The following PFKFB3 variants were observed in gnomAD, a reference collection of about 807,000 sequenced individuals.
PFKFB3 encodes 6-phosphofructo-2-kinase/fructose-2,6-biphosphatase 3.
Under a neutral mutation model 68.0 loss-of-function variants are expected in PFKFB3, and 33 were observed. The observed-to-expected ratio is 0.49, with a 90% CI of 0.37 to 0.65. The LOEUF (loss-of-function observed/expected upper bound fraction) is 0.65, where lower values mean the gene tolerates loss of function less well. Ranked by LOEUF, PFKFB3 falls within the 30% of genes least tolerant of loss-of-function variation. The pLI is 0.00. For missense variants in PFKFB3, 586 were observed against 712.2 expected (o/e 0.82, Z 2.02); for synonymous variants, 315 against 288.2 (o/e 1.09, Z -0.94).
In PFKFB3 at chr10:6,154,399, C is replaced by T. The variant is rs1156409027; in HGVS notation, c.16+9386C>T. On this transcript the variant is annotated intron_variant, in intron 1 of 14. Coordinates refer to the PFKFB3 transcript ENST00000379789. This position sits in a 1 kb window ranked among gnomAD's most constrained non-coding sequence, Gnocchi z 4.6. ...CAGCTGGGATTACAGGTGCATGCTA[C>T]CGCGTCCAGCTAATTTTTTTGTATT... Among the ~76,000 whole-genome samples the T allele has an allele frequency of 1.3e-5, 2 of 152,142 alleles. No individual in the cohort carries two copies. The highest frequency in any genetic ancestry group is 2.9e-5 in the Non-Finnish European group (2 of 68,034).
chr10:6,239,179 C>A (rs1003925223), downstream of PFKFB3, among the ~76,000 whole-genome samples: 4 of 152,284 alleles, frequency 2.6e-5, no homozygotes, highest in African/African-American at 9.6e-5. Context: ...ACACGCCTGA[C>A]AGTTCCTGGC....
intron 3 of PFKFB3, 77 bp from the exon 4 acceptor site, chr10:6,216,048 G>A: frequency 2.4e-6 from 3 of 1,235,780 alleles, no homozygotes; most frequent in South Asian, 1.2e-5. Flanking sequence ...TGCTTGTCGG[G>A]GCGTGTCGGG....
intron 1 of PFKFB3, among the ~76,000 whole-genome samples, chr10:6,160,643 G>A (rs530078558): frequency 3.3e-4 from 50 of 151,192 alleles, no homozygotes; most frequent in African/African-American, 1.2e-3. Flanking sequence ...GCTTGAACCC[G>A]GGAGGTGGAG....
At chr10:6,314,834 T>C in the PFKFB3 span, among the ~76,000 whole-genome samples, 8 of 152,286 alleles carry the variant, frequency 5.3e-5, no homozygotes, top group East Asian at 1.5e-3. Context: ...GAGAAGCTGA[T>C]GTGGAACTAG....
intron 1 of PFKFB3, chr10:6,145,124 C>G (rs1168237925): frequency 1.1e-6 from 1 of 906,394 alleles, no homozygotes; most frequent in Non-Finnish European, 1.5e-6. Context: ...CACTGTGCAC[C>G]CGGGCTGCGG....
the PFKFB3 span, among the ~76,000 whole-genome samples, chr10:6,304,850 T>C: frequency 6.8e-6 from 1 of 148,026 alleles, no homozygotes; most frequent in African/African-American, 2.5e-5. Context: ...AGGAACTTTT[T>C]TTTTTTTTTT....
chr10:6,184,635 T>G (rs530309136), intron 1 of PFKFB3, among the ~76,000 whole-genome samples: 1 of 152,040 alleles, frequency 6.6e-6, no homozygotes, highest in South Asian at 2.1e-4. Flanking sequence ...TGTGCCTGGC[T>G]AATTTTTGTA....
rs1312637912 is a variant in PFKFB3, at chr10:6,215,535, G to A, written c.299+218G>A. Among the ~76,000 whole-genome samples the A allele has an allele frequency of 6.6e-6, 1 of 152,186 alleles. No homozygotes were observed. Among genetic ancestry groups the A allele is most frequent in the East Asian group, 1.9e-4 (1 of 5,192 alleles). On this transcript the variant is annotated intron_variant, in intron 3 of 14. Transcript: ENST00000379775. This position sits in a 1 kb window ranked among gnomAD's most constrained non-coding sequence, Gnocchi z 4.3. ...AGGAGGCAGAGAAAGCCGGCCTGCGGGTGGGTCCTGCTGGTGGCTTCAGGG... is the reference window on the plus strand; with the variant it reads ...AGGAGGCAGAGAAAGCCGGCCTGCGAGTGGGTCCTGCTGGTGGCTTCAGGG...
chr10:6,184,702 C>T lies in PFKFB3; in HGVS notation c.17-28921C>T, dbSNP rs375686124. On this transcript the variant is annotated intron_variant, in intron 1 of 14. Transcript: ENST00000379789. ...GGCCAGGCTGGTTTCGAACTCCTGA[C>T]CTCAGGTGATCCACCTGCCTCGGCC... is the stretch of plus-strand genomic sequence containing the variant. 1.6e-3 allele frequency among the ~76,000 whole-genome samples: 238 copies of T among 151,506 alleles called. 1 individual carries two copies. Among genetic ancestry groups the T allele is most frequent in the African/African-American group, 5.3e-3 (219 of 41,260 alleles).
At chr10:6,209,218 C>T (rs772382955) in intron 1 of PFKFB3, among the ~76,000 whole-genome samples, 1 of 152,156 alleles carries the variant, frequency 6.6e-6, no homozygotes, top group Non-Finnish European at 1.5e-5. Flanking sequence ...GAGCTCGAGT[C>T]CCCCAGATTC....
chr10:6,216,588 T>C (rs948634872), intron 4 of PFKFB3, 118 bp from the exon 5 acceptor site: 1 of 759,718 alleles, frequency 1.3e-6, no homozygotes, highest in Non-Finnish European at 2.3e-6. Flanking sequence ...CAAGCTCCCC[T>C]GAAGCACTTT....
At chr10:6,311,380 C>G in the PFKFB3 span, among the ~76,000 whole-genome samples, 1 of 152,154 alleles carries the variant, frequency 6.6e-6, no homozygotes, top group South Asian at 2.1e-4. Flanking sequence ...TTTGCTCTCC[C>G]TAATTCCTCC....
At chr10:6,292,278 CTTTTTTTTTTTTTTTTT>C in the PFKFB3 span, among the ~76,000 whole-genome samples, 3 of 54,280 alleles carry the variant, frequency 5.5e-5, no homozygotes, top group African/African-American at 2.5e-4. Context: ...TTTTTTTTTT[CTTTTTTTTTTTTTTTTT>C]TTTTTTTGAG....
intron 1 of PFKFB3, among the ~76,000 whole-genome samples, chr10:6,212,146 A>T (rs1236230618): frequency 1.3e-5 from 2 of 152,252 alleles, no homozygotes; most frequent in African/African-American, 2.4e-5. Context: ...TGATGAGGAC[A>T]GCCAGGCTAA....
At chr10:6,311,654 C>G in the PFKFB3 span, among the ~76,000 whole-genome samples, 1 of 152,010 alleles carries the variant, frequency 6.6e-6, no homozygotes, top group East Asian at 1.9e-4. Context: ...AAGACTGAGG[C>G]AGGAGGATCA....
At chr10:6,248,717 A>G (rs1374531623) in intron 14 of PFKFB3, among the ~76,000 whole-genome samples, 1 of 152,140 alleles carries the variant, frequency 6.6e-6, no homozygotes, top group African/African-American at 2.4e-5. Flanking sequence ...ATATATAAAA[A>G]TATGTTCAAT....
Position 6,228,367 on chromosome 10 carries a change from G to A in PFKFB3, c.1515+2002G>A. The A allele has an allele frequency of 3.6e-6, 3 of 822,414 alleles. No homozygotes were observed. Among genetic ancestry groups the A allele is most frequent in the South Asian group, 1.4e-5 (1 of 70,950 alleles). The allele number at this position is 822,414 out of a possible 1,614,324, so 50.9% of individuals were successfully genotyped here. On this transcript the variant is annotated intron_variant, in intron 14 of 14. Transcript: ENST00000379775. The surrounding 1 kb of genome is among the most constrained non-coding windows in gnomAD (Gnocchi z 4.5). The stretch of plus-strand genomic sequence containing the variant: ...GAAGGAGGAGATGGGCGTAGGAGTA[G>A]GGAGGAGAGATTCCTGAATGTTTTT...
the PFKFB3 span, among the ~76,000 whole-genome samples, chr10:6,296,328 A>G: frequency 6.6e-5 from 10 of 152,262 alleles, no homozygotes; most frequent in Admixed American, 3.3e-4. Flanking sequence ...TTCAATTCAA[A>G]AAAAGGACTC....
the PFKFB3 span, among the ~76,000 whole-genome samples, chr10:6,305,034 G>GTTTT: frequency 2.7e-4 from 1 of 3,702 alleles, no homozygotes; most frequent in Non-Finnish European, 9.8e-4. Flanking sequence ...TTTTTTTTTA[G>GTTTT]TAGAGATGAC....
Sources: gnomAD v4.1 joint callset for allele counts (sites outside exome capture counted in the v4.1 genomes callset) on GRCh38, gnomAD v4.1.1 for gene constraint, Gnocchi (gnomAD v3.1) non-coding constraint, MANE v1.5 for transcripts, NCBI Gene and HGNC (gene_info 2026-07-23, HGNC 2026-07-21) for gene names.